The following XKR6 variants were observed in gnomAD, a reference collection of about 807,000 sequenced individuals.
XKR6 encodes the protein XK related 6.
A neutral mutation model predicts 56.7 loss-of-function variants in XKR6; 22 were observed. The ratio of observed to expected loss-of-function variants is 0.39; its 90% CI spans 0.28 to 0.55. The LOEUF is 0.55. Among genes scored for constraint, XKR6 ranks in the 20% least tolerant of loss-of-function variants. The pLI is 0.66. For missense variants in XKR6, 852 were observed against 889.0 expected (o/e 0.96, Z 0.53); for synonymous variants, 524 against 387.8 (o/e 1.35, Z -4.13).
intron 1 of XKR6, among the ~76,000 whole-genome samples, chr8:11,046,184 G>A (rs540663443): frequency 6.6e-6 from 1 of 152,040 alleles, no homozygotes; most frequent in Non-Finnish European, 1.5e-5. Flanking sequence ...AGATTGCTTG[G>A]GGCCAGGAGT....
intron 1 of XKR6, among the ~76,000 whole-genome samples, chr8:11,029,774 G>A (rs1417259438): frequency 6.6e-6 from 1 of 151,916 alleles, no homozygotes; most frequent in East Asian, 1.9e-4. Context: ...CCAGTCCCCT[G>A]GAACCCAGGA....
At chr8:10,908,565 G>T (rs1349456190) in intron 2 of XKR6, among the ~76,000 whole-genome samples, 1 of 152,060 alleles carries the variant, frequency 6.6e-6, no homozygotes, top group Non-Finnish European at 1.5e-5. Context: ...TGCCTGGAAT[G>T]CTCTTCTTCC....
intron 1 of XKR6, among the ~76,000 whole-genome samples, chr8:11,152,961 C>A (rs1801337828): frequency 6.6e-6 from 1 of 152,196 alleles, no homozygotes; most frequent in South Asian, 2.1e-4. Flanking sequence ...CACTAGCTCA[C>A]AGAATGCCAC....
At chr8:11,007,455 G>T (rs965310769) in intron 1 of XKR6, among the ~76,000 whole-genome samples, 7 of 152,160 alleles carry the variant, frequency 4.6e-5, no homozygotes, top group Non-Finnish European at 8.8e-5. Flanking sequence ...CCAAAATCAT[G>T]CCTACAGCAA....
intron 1 of XKR6, among the ~76,000 whole-genome samples, chr8:11,191,146 C>A (rs1189905427): frequency 2.6e-5 from 4 of 152,172 alleles, no homozygotes; most frequent in African/African-American, 9.7e-5. Context: ...TGTTTACTGG[C>A]AACCCATTCA....
rs533585027 is a variant in XKR6 at position 11,181,145 on chromosome 8, T to A, written c.764+19431A>T. On this transcript the variant is annotated intron_variant, in intron 1 of 2. Coordinates refer to ENST00000416569, the MANE Select transcript of XKR6 (RefSeq NM_173683.4). ...GTTGCTTGGAAAGGATGAGAAATGG[T>A]TGGTTAATGTCCATCTTTGGTGAGG... Among the ~76,000 whole-genome samples the A allele has an allele frequency of 2.6e-5, 4 of 152,250 alleles. No homozygotes were observed. In the South Asian group the frequency reaches 8.3e-4, roughly 32 times the overall value.
At chr8:11,044,268 A>G (rs1799354400) in intron 1 of XKR6, among the ~76,000 whole-genome samples, 1 of 152,240 alleles carries the variant, frequency 6.6e-6, no homozygotes, top group Non-Finnish European at 1.5e-5. Context: ...AAAAATGAAC[A>G]TGGAACATAA....
intron 1 of XKR6, among the ~76,000 whole-genome samples, chr8:10,946,886 G>A (rs772542315): frequency 6.6e-6 from 1 of 152,154 alleles, no homozygotes; most frequent in Non-Finnish European, 1.5e-5. Context: ...TCAAGGATGG[G>A]GGAGAGTTCA....
At chr8:10,998,238 T>C (rs1243960708) in intron 1 of XKR6, among the ~76,000 whole-genome samples, 4 of 151,084 alleles carry the variant, frequency 2.6e-5, no homozygotes, top group African/African-American at 7.3e-5. Context: ...TCCCCAACAA[T>C]ATAAGGAGAA....
rs529645346 is a variant in XKR6 at position 10,965,066 on chromosome 8, G to A, written c.765-40236C>T. 2.0e-5 allele frequency among the ~76,000 whole-genome samples: 3 copies of A among 152,304 alleles called. No individual in the cohort carries two copies. The East Asian group carries it at 5.8e-4, about 29-fold the overall frequency. On this transcript the variant is annotated intron_variant, in intron 1 of 2. Transcript: ENST00000416569. ...GGCCACCAACTGGACTGGACCACAA[G>A]CCTGCTTGTTGGGCTCTCAGCTTAG...
Position 11,107,608 on chromosome 8 carries a change from C to T in XKR6, c.764+92968G>A, listed in dbSNP as rs376640617. ...GGATCCACTCAGGCTCCTCTCTCAGCGGCACTCTCTCTGTAGATGCGAAAC... is the reference window on the plus strand; with the variant it reads ...GGATCCACTCAGGCTCCTCTCTCAGTGGCACTCTCTCTGTAGATGCGAAAC... On this transcript the variant is annotated intron_variant, in intron 1 of 2. Transcript: ENST00000416569. 1.2e-4 allele frequency among the ~76,000 whole-genome samples: 18 copies of T among 152,264 alleles called. No homozygotes were observed. The South Asian group carries it at 2.3e-3, about 19-fold the overall frequency.
intron 1 of XKR6, among the ~76,000 whole-genome samples, chr8:11,169,951 G>A (rs1802282968): frequency 6.6e-6 from 1 of 150,386 alleles, no homozygotes; most frequent in African/African-American, 2.5e-5. Flanking sequence ...AGAGAGAGAT[G>A]GGACAGTCAT....
chr8:10,921,990 G>C (rs1800737247), intron 2 of XKR6, among the ~76,000 whole-genome samples: 1 of 152,208 alleles, frequency 6.6e-6, no homozygotes, highest in African/African-American at 2.4e-5. Context: ...TTACAAAAGA[G>C]GCTTCATACA....
At chr8:11,149,055 G>T (rs891979976) in intron 1 of XKR6, among the ~76,000 whole-genome samples, 1 of 152,150 alleles carries the variant, frequency 6.6e-6, no homozygotes, top group Non-Finnish European at 1.5e-5. Context: ...GAAACTGTGG[G>T]GGTCTCAGGA....
At chr8:11,106,002 G>A (rs1453723301) in intron 1 of XKR6, 4 of 152,152 alleles carry the variant, frequency 2.6e-5, no homozygotes, top group African/African-American at 4.8e-5. Context: ...TACACCAAGA[G>A]TCAGAAAATG....
At chr8:11,161,663 T>C (rs1801819876) in intron 1 of XKR6, among the ~76,000 whole-genome samples, 2 of 152,264 alleles carry the variant, frequency 1.3e-5, no homozygotes, top group Admixed American at 1.3e-4. Context: ...CCTATAGTTC[T>C]TTACTATGTT....
Position 10,980,774 on chromosome 8 carries a change from T to A in XKR6, c.765-55944A>T, listed in dbSNP as rs1249187903. ...ATCACCTATCTATCATCTATCTATA[T>A]ACCACGGATTATGACTGATGGATAA... is the stretch of plus-strand genomic sequence containing the variant. On this transcript the variant is annotated intron_variant, in intron 1 of 2. Transcript: ENST00000416569. 2.6e-5 allele frequency among the ~76,000 whole-genome samples: 4 copies of A among 152,230 alleles called. No homozygotes were observed. The East Asian group carries it at 5.8e-4, about 22-fold the overall frequency.
At chr8:11,192,852 G>A (rs1803656106) in intron 1 of XKR6, among the ~76,000 whole-genome samples, 1 of 152,150 alleles carries the variant, frequency 6.6e-6, no homozygotes, top group Admixed American at 6.5e-5. Flanking sequence ...AAACACAGCT[G>A]AAGTGAGAAA....
chr8:11,074,676 C>A (rs984646135), intron 1 of XKR6, among the ~76,000 whole-genome samples: 2 of 152,212 alleles, frequency 1.3e-5, no homozygotes, highest in Non-Finnish European at 2.9e-5. Flanking sequence ...AGGAAGCACA[C>A]AGTCCAAGGT....
Sources: gnomAD v4.1 joint callset for allele counts (sites outside exome capture counted in the v4.1 genomes callset) on GRCh38, gnomAD v4.1.1 for gene constraint, MANE v1.5 for transcripts, NCBI Gene and HGNC (gene_info 2026-07-23, HGNC 2026-07-21) for gene names.